The following LCLAT1 variants were observed in gnomAD, a reference collection of about 807,000 sequenced individuals.
LCLAT1 encodes the protein lysocardiolipin acyltransferase 1.
Under a neutral mutation model 30.7 loss-of-function variants are expected in LCLAT1, and 11 were observed. The observed-to-expected ratio is 0.36, with a 90% CI of 0.23 to 0.59. The LOEUF is 0.59. Among genes scored for constraint, LCLAT1 ranks in the 20% least tolerant of loss-of-function variants. LCLAT1 has a pLI of 0.77. For synonymous variants in LCLAT1, 155 were observed against 151.3 expected (o/e 1.02, Z -0.18); for missense variants, 402 against 458.6 (o/e 0.88, Z 1.13).
intron 1 of LCLAT1, among the ~76,000 whole-genome samples, chr2:30,453,657 T>C (rs1039613993): frequency 1.3e-5 from 2 of 152,166 alleles, no homozygotes; most frequent in Admixed American, 6.5e-5. Flanking sequence ...GCTTACTGTG[T>C]AGAGGGGGAG....
rs114762062 is a variant in LCLAT1, at chr2:30,570,344, G to A, written c.628+2168G>A. On this transcript the variant is annotated intron_variant, in intron 5 of 5. Transcript: ENST00000379509. The stretch of plus-strand genomic sequence containing the variant: ...ATTTTATTTGTTAGAAACATAAAAT[G>A]GGACTTGTATACTATAATAATAAAA... Among the ~76,000 whole-genome samples the A allele has an allele frequency of 4.2e-3, 632 of 152,210 alleles. 1 individual carries two copies. Among genetic ancestry groups the A allele is most frequent in the Middle Eastern group, 0.014 (4 of 294 alleles).
intron 5 of LCLAT1, among the ~76,000 whole-genome samples, chr2:30,605,772 TTA>T (rs1667408143): frequency 2.0e-5 from 3 of 152,234 alleles, no homozygotes; most frequent in Admixed American, 2.0e-4. Flanking sequence ...AGCAAATCTT[TTA>T]TGTCAGTGGT....
chr2:30,463,420 G>T (rs777318403), intron 1 of LCLAT1, among the ~76,000 whole-genome samples: 3 of 151,824 alleles, frequency 2.0e-5, no homozygotes, highest in Non-Finnish European at 4.4e-5. Flanking sequence ...TCATTATTTT[G>T]TAAGTTGCTT....
intron 3 of LCLAT1, among the ~76,000 whole-genome samples, chr2:30,541,033 G>A (rs1664113729): frequency 1.3e-5 from 2 of 152,082 alleles, no homozygotes; most frequent in Admixed American, 1.3e-4. Context: ...ATCCTTTTGG[G>A]TTATACAAAT....
chr2:30,644,222 T>C lies in LCLAT1; in HGVS notation c.*3603T>C, dbSNP rs1174970798. ...CAGAATAAAGGAGTGAATTAAATAG[T>C]TTACATGTGTGTTACGTTCTGTTTT... On this transcript the variant is annotated 3_prime_UTR_variant, in exon 6 of 6. Transcript: ENST00000379509. 1 of 152,206 alleles carries C rather than the reference T, an allele frequency of 6.6e-6. No homozygotes were observed. The highest frequency in any genetic ancestry group is 6.5e-5 in the Admixed American group (1 of 15,276). The allele number at this position is 152,206 out of a possible 1,614,324, so 9.4% of individuals were successfully genotyped here. A position where few individuals can be genotyped will look rare whatever the true frequency, so the allele number is the denominator to read the frequency against.
intron 3 of LCLAT1, among the ~76,000 whole-genome samples, chr2:30,534,833 T>C (rs557676243): frequency 4.6e-5 from 7 of 152,118 alleles, no homozygotes; most frequent in Non-Finnish European, 7.3e-5. Flanking sequence ...GCCCCACAGA[T>C]TGAAGATGTG....
chr2:30,626,912 TATTA>T (rs1337027020), intron 5 of LCLAT1, among the ~76,000 whole-genome samples: 1 of 152,188 alleles, frequency 6.6e-6, no homozygotes, highest in African/African-American at 2.4e-5. Flanking sequence ...AGGAATATTT[TATTA>T]TTTATTTTTA....
intron 5 of LCLAT1, among the ~76,000 whole-genome samples, chr2:30,628,263 T>A (rs907996881): frequency 4.6e-5 from 7 of 151,890 alleles, no homozygotes; most frequent in African/African-American, 1.4e-4. Flanking sequence ...TTAGAAGACA[T>A]AAAATAAGAT....
intron 1 of LCLAT1, among the ~76,000 whole-genome samples, chr2:30,454,160 A>G (rs921059521): frequency 8.5e-5 from 13 of 152,236 alleles, no homozygotes; most frequent in African/African-American, 3.1e-4. Flanking sequence ...AATGTAACTT[A>G]CGGTAGCTAC....
At chr2:30,489,490 C>G (rs972525097) in intron 1 of LCLAT1, among the ~76,000 whole-genome samples, 1 of 152,036 alleles carries the variant, frequency 6.6e-6, no homozygotes. Flanking sequence ...GTAGCTGGGA[C>G]TACAGGTGCC....
chr2:30,508,581 T>C (rs977899886), intron 1 of LCLAT1, among the ~76,000 whole-genome samples: 4 of 152,180 alleles, frequency 2.6e-5, no homozygotes, highest in Non-Finnish European at 4.4e-5. Flanking sequence ...GCCTTATTTC[T>C]GGGTTCTCTA....
At chr2:30,495,379 T>A (rs1417849825) in intron 1 of LCLAT1, among the ~76,000 whole-genome samples, 3 of 152,122 alleles carry the variant, frequency 2.0e-5, no homozygotes, top group African/African-American at 7.2e-5. Context: ...CCTTTCATAA[T>A]AAATATTTCT....
chr2:30,621,722 G>GT, intron 5 of LCLAT1, among the ~76,000 whole-genome samples: 2 of 152,218 alleles, frequency 1.3e-5, no homozygotes, highest in East Asian at 3.9e-4. Flanking sequence ...AAATACAGGG[G>GT]TAGAGGAAGC....
At chr2:30,538,695 G>T (rs1186867623) in intron 3 of LCLAT1, among the ~76,000 whole-genome samples, 1 of 151,258 alleles carries the variant, frequency 6.6e-6, no homozygotes, top group Non-Finnish European at 1.5e-5. Context: ...AATGTAATAT[G>T]AGATATTACA....
rs1685674938 is a variant in LCLAT1, at chr2:30,525,580, C to T, written c.-4-7C>T. Reference sequence around the variant, plus strand: ...TAACAAAATATATCCTTTTTTATATCTTTCAGAATCATGGTGTCATGGAAA... The same window carrying T: ...TAACAAAATATATCCTTTTTTATATTTTTCAGAATCATGGTGTCATGGAAA... On this transcript the variant is annotated splice_polypyrimidine_tract_variant and splice_region_variant and intron_variant, in intron 1 of 5. Coordinates refer to ENST00000379509, the MANE Select transcript of LCLAT1 (RefSeq NM_001002257.3). The T allele has an allele frequency of 1.2e-6, 2 of 1,606,744 alleles. No individual in the cohort carries two copies. Among genetic ancestry groups the T allele is most frequent in the Non-Finnish European group, 1.7e-6 (2 of 1,174,430 alleles).
chr2:30,573,704 A>G (rs1572644282), intron 5 of LCLAT1, among the ~76,000 whole-genome samples: 1 of 152,054 alleles, frequency 6.6e-6, no homozygotes, highest in African/African-American at 2.4e-5. Flanking sequence ...TATATTCCCT[A>G]TATGAATGCT....
At chr2:30,608,833 A>G (rs1667595644) in intron 5 of LCLAT1, among the ~76,000 whole-genome samples, 1 of 152,158 alleles carries the variant, frequency 6.6e-6, no homozygotes. Flanking sequence ...TGTATGTCCA[A>G]GAGTAGAACT....
chr2:30,506,698 A>G (rs1487391079), intron 1 of LCLAT1, among the ~76,000 whole-genome samples: 7 of 152,282 alleles, frequency 4.6e-5, no homozygotes, highest in African/African-American at 1.7e-4. Flanking sequence ...TTTAGGCAGG[A>G]CAGTTTATGT....
At chr2:30,590,670 GT>G (rs1209686793) in intron 5 of LCLAT1, among the ~76,000 whole-genome samples, 1 of 151,724 alleles carries the variant, frequency 6.6e-6, no homozygotes, top group Non-Finnish European at 1.5e-5. Flanking sequence ...ATGTTTCACT[GT>G]TTGAAACTCA....
Sources: allele counts gnomAD v4.1 joint callset (sites outside exome capture counted in the v4.1 genomes callset), GRCh38; gene constraint gnomAD v4.1.1; transcripts MANE v1.5; gene names NCBI Gene and HGNC (gene_info 2026-07-23, HGNC 2026-07-21).